The following NBAS variants were observed in gnomAD, a reference collection of about 807,000 sequenced individuals.
NBAS encodes the protein NBAS subunit of NRZ tethering complex, also known as NAG/BC035112 fusion.
Under a neutral mutation model 302.5 loss-of-function variants are expected in NBAS, and 219 were observed. The ratio of observed to expected loss-of-function variants is 0.72; its 90% CI spans 0.65 to 0.81. The LOEUF (loss-of-function observed/expected upper bound fraction) is 0.81. Among genes scored for constraint, NBAS ranks in the 30% least tolerant of loss-of-function variants. NBAS has a pLI of 0.00. For missense variants in NBAS, 2,932 were observed against 2,841.6 expected (o/e 1.03, Z -0.72); for synonymous variants, 1,118 against 1,021.6 (o/e 1.09, Z -1.80).
At chr2:14,992,960 A>C in the NBAS span, among the ~76,000 whole-genome samples, 1 of 152,210 alleles carries the variant, frequency 6.6e-6, no homozygotes, top group Non-Finnish European at 1.5e-5. Flanking sequence ...GCAGCTGCCA[A>C]CACCCAGTAC....
At chr2:15,224,986 G>A (rs1667095625) in intron 47 of NBAS, among the ~76,000 whole-genome samples, 1 of 152,056 alleles carries the variant, frequency 6.6e-6, no homozygotes, top group African/African-American at 2.4e-5. Context: ...ATGTGTAAAT[G>A]GTACCGTAGT....
intron 48 of NBAS, among the ~76,000 whole-genome samples, chr2:15,196,469 C>A (rs1665624929): frequency 6.6e-6 from 1 of 152,128 alleles, no homozygotes; most frequent in African/African-American, 2.4e-5. Flanking sequence ...TTTCTTACAA[C>A]TGGATATGAA....
intron 13 of NBAS, among the ~76,000 whole-genome samples, chr2:15,476,681 C>T (rs577338623): frequency 6.6e-6 from 1 of 152,176 alleles, no homozygotes; most frequent in South Asian, 2.1e-4. Flanking sequence ...TGCCACTACA[C>T]TCCAGCCTGG....
chr2:14,990,122 G>T, the NBAS span, among the ~76,000 whole-genome samples: 1 of 151,596 alleles, frequency 6.6e-6, no homozygotes, highest in Non-Finnish European at 1.5e-5. Flanking sequence ...TCCTTAAATT[G>T]TTAAAACAGG....
the NBAS span, among the ~76,000 whole-genome samples, chr2:14,799,744 GT>G: frequency 1.3e-5 from 2 of 152,008 alleles, no homozygotes; most frequent in Non-Finnish European, 2.9e-5. Context: ...TTAAAGCTTT[GT>G]TATTCAGTGC....
chr2:15,475,446 T>C (rs772721470), intron 14 of NBAS, among the ~76,000 whole-genome samples: 8 of 152,214 alleles, frequency 5.3e-5, no homozygotes, highest in Middle Eastern at 3.4e-3. Context: ...AAAAAATATA[T>C]CATTTCAGTG....
At chr2:15,478,024 C>T (rs1006671440) in intron 13 of NBAS, among the ~76,000 whole-genome samples, 5 of 31,262 alleles carry the variant, frequency 1.6e-4, no homozygotes, top group African/African-American at 5.9e-4. Context: ...TCAATGCTGG[C>T]TCCTGGCAGG....
chr2:15,056,915 G>A, the NBAS span, among the ~76,000 whole-genome samples: 6 of 146,686 alleles, frequency 4.1e-5, no homozygotes, highest in South Asian at 2.1e-4. Flanking sequence ...TGCAACTTTC[G>A]CCTCCCAGGT....
At chr2:15,136,885 C>T in the NBAS span, among the ~76,000 whole-genome samples, 556 of 152,288 alleles carry the variant, frequency 3.7e-3, 2 homozygotes, top group Middle Eastern at 0.02. Flanking sequence ...CCATGTAAGA[C>T]GTGCCTTGCT....
chr2:14,961,225 G>A, the NBAS span, among the ~76,000 whole-genome samples: 4 of 152,100 alleles, frequency 2.6e-5, no homozygotes, highest in Non-Finnish European at 5.9e-5. Flanking sequence ...AAGGAAAGGT[G>A]GGAAGGGAAA....
intron 28 of NBAS, among the ~76,000 whole-genome samples, chr2:15,385,547 C>G (rs1267637900): frequency 6.6e-6 from 1 of 152,076 alleles, no homozygotes; most frequent in African/African-American, 2.4e-5. Flanking sequence ...CTTGAAGAAA[C>G]CAAGAGGTTT....
chr2:15,006,188 A>G, the NBAS span, among the ~76,000 whole-genome samples: 3 of 152,244 alleles, frequency 2.0e-5, no homozygotes, highest in Non-Finnish European at 2.9e-5. Flanking sequence ...CACGTATTAT[A>G]ATAGAAAAAA....
At chr2:15,216,311 A>T (rs571259998) in intron 48 of NBAS, among the ~76,000 whole-genome samples, 4 of 152,338 alleles carry the variant, frequency 2.6e-5, no homozygotes, top group Non-Finnish European at 4.4e-5. Flanking sequence ...GAAAACAAAA[A>T]GAGTGAGGGG....
chr2:15,506,573 G>A (rs1292332653), intron 10 of NBAS, among the ~76,000 whole-genome samples: 1 of 152,084 alleles, frequency 6.6e-6, no homozygotes, highest in Non-Finnish European at 1.5e-5. Context: ...TGGCAAAACA[G>A]TTTTGAACAT....
chr2:14,863,014 T>A, the NBAS span, among the ~76,000 whole-genome samples: 1 of 152,366 alleles, frequency 6.6e-6, no homozygotes, highest in Admixed American at 6.5e-5. Context: ...GTGGCATGTT[T>A]CAGGAACCCT....
At chr2:15,010,368 G>A in the NBAS span, among the ~76,000 whole-genome samples, 4 of 152,164 alleles carry the variant, frequency 2.6e-5, no homozygotes, top group East Asian at 7.7e-4. Context: ...GAGTCTCTGG[G>A]AACAGAGGCA....
At chr2:14,974,339 G>A in the NBAS span, among the ~76,000 whole-genome samples, 1 of 152,204 alleles carries the variant, frequency 6.6e-6, no homozygotes, top group Non-Finnish European at 1.5e-5. Context: ...GCAGAGAAAG[G>A]TGGAGCAGGT....
intron 48 of NBAS, among the ~76,000 whole-genome samples, chr2:15,203,164 T>C (rs1293344938): frequency 6.6e-6 from 1 of 152,176 alleles, no homozygotes; most frequent in African/African-American, 2.4e-5. Flanking sequence ...CCTTTACATG[T>C]GTCTAACACT....
intron 10 of NBAS, among the ~76,000 whole-genome samples, chr2:15,508,806 T>A (rs1000479907): frequency 6.6e-6 from 1 of 151,988 alleles, no homozygotes; most frequent in Non-Finnish European, 1.5e-5. Context: ...GAGTTCAAGA[T>A]CAGCCTGGCC....
Sources: gnomAD v4.1 joint callset for allele counts (sites outside exome capture counted in the v4.1 genomes callset) on GRCh38, gnomAD v4.1.1 for gene constraint, MANE v1.5 for transcripts, NCBI Gene and HGNC (gene_info 2026-07-23, HGNC 2026-07-21) for gene names.